The following CATSPER3 variants were observed in gnomAD, a reference collection of about 807,000 sequenced individuals.
The protein encoded by CATSPER3 is cation channel sperm associated 3, also known as cation channel sperm-associated protein 3.
CATSPER3 carries 23 observed loss-of-function variants against 36.6 expected under a neutral mutation model. The observed-to-expected ratio is 0.63, with a 90% confidence interval of 0.45 to 0.89. CATSPER3 has a LOEUF of 0.89. Among genes scored for constraint, CATSPER3 ranks in the 40% least tolerant of loss-of-function variants. The pLI is 0.00. For missense variants in CATSPER3, 474 were observed against 503.9 expected, an observed-to-expected ratio of 0.94 and a Z score of 0.57; for synonymous variants, 172 against 184.1, an observed-to-expected ratio of 0.93 and a Z score of 0.53.
chr5:134,993,221 G>T (rs1159180056), intron 2 of CATSPER3, among the ~76,000 whole-genome samples: 1 of 152,150 alleles, frequency 6.6e-6, no homozygotes, highest in Admixed American at 6.5e-5. Flanking sequence ...GACAAATATT[G>T]TATGGTTTCA....
chr5:134,971,877 T>A (rs995610708), intron 2 of CATSPER3, among the ~76,000 whole-genome samples: 1 of 152,220 alleles, frequency 6.6e-6, no homozygotes, highest in Non-Finnish European at 1.5e-5. Flanking sequence ...ATCAAGCTAC[T>A]GCGTTTTTAA....
chr5:134,996,474 C>T lies in CATSPER3; in HGVS notation c.454C>T (p.Arg152Cys), dbSNP rs775604213. 4.6e-5 allele frequency: 74 copies of T among 1,613,992 alleles called. No individual in the cohort carries two copies. The highest frequency in any genetic ancestry group is 5.8e-5 in the Non-Finnish European group (69 of 1,179,952). ...TATCGCTGATGGCATGCAGTCCCTG[C>T]GCATCCTCAAGCTTATCGGCTATAG... Reference protein sequence around the residue: ...LYIADGMQSLRILKLIGYSQG... With the variant: ...LYIADGMQSLCILKLIGYSQG... Residue 152 changes from arginine to cysteine, a missense_variant, in exon 3 of 8, where the codon CGC becomes TGC. Arg to Cys is a radical substitution (Grantham distance 180). Coordinates refer to ENST00000282611, the MANE Select transcript of CATSPER3 (RefSeq NM_178019.3).
At position 134,970,006 on chromosome 5, in the gene CATSPER3, A is replaced by G. The variant is rs374256296; in HGVS notation, c.166A>G (p.Met56Val). Residue 56 changes from methionine to valine, a missense_variant, in exon 2 of 8, where the codon ATG becomes GTG. Physicochemically the swap from Met to Val is conservative, Grantham distance 21. Coordinates refer to ENST00000282611, the MANE Select transcript of CATSPER3 (RefSeq NM_178019.3). ...AATGAGCCGTTTCTTTAAGATAATT[A>G]TGATTAGCACTGTCACATCGAATGC... Reference protein sequence around the residue: ...VIMSRFFKIIMISTVTSNAFF... With the variant: ...VIMSRFFKIIVISTVTSNAFF... 1.9e-5 allele frequency: 31 copies of G among 1,614,040 alleles called. No individual in the cohort carries two copies. In the African/African-American group the frequency reaches 2.5e-4, roughly 13 times the overall value.
chr5:134,996,779 T>G (rs299365), intron 3 of CATSPER3, among the ~76,000 whole-genome samples: 44,967 of 152,152 alleles, frequency 0.3, 7,313 homozygotes, highest in East Asian at 0.54. Context: ...AAGGCGTGCC[T>G]GACTCCAGAG....
At chr5:134,978,238 G>C (rs1751702196) in intron 2 of CATSPER3, among the ~76,000 whole-genome samples, 1 of 152,150 alleles carries the variant, frequency 6.6e-6, no homozygotes, top group African/African-American at 2.4e-5. Flanking sequence ...TTGGTGTTCT[G>C]TGCAATAGGG....
intron 2 of CATSPER3, among the ~76,000 whole-genome samples, chr5:134,991,980 G>GGT (rs1751884304): frequency 6.6e-6 from 1 of 152,018 alleles, no homozygotes; most frequent in African/African-American, 2.4e-5. Context: ...AAATTAGCCA[G>GGT]GTGTGGTGGC....
intron 2 of CATSPER3, among the ~76,000 whole-genome samples, chr5:134,978,263 A>C (rs1249347312): frequency 2.0e-5 from 3 of 152,164 alleles, no homozygotes; most frequent in Admixed American, 6.5e-5. Context: ...GATATTTAGC[A>C]ATATGCGTTG....
At chr5:134,994,755 C>A (rs1751923125) in intron 2 of CATSPER3, among the ~76,000 whole-genome samples, 1 of 151,900 alleles carries the variant, frequency 6.6e-6, no homozygotes, top group South Asian at 2.1e-4. Context: ...CTCTCTCTCT[C>A]TCTGTTCTAG....
chr5:135,005,469 G>A (rs1469084443), intron 3 of CATSPER3, among the ~76,000 whole-genome samples: 2 of 152,180 alleles, frequency 1.3e-5, no homozygotes, highest in Non-Finnish European at 2.9e-5. Context: ...TGGGACCCTA[G>A]ATCCCCAGAG....
intron 3 of CATSPER3, among the ~76,000 whole-genome samples, chr5:135,006,227 G>C (rs1561464562): frequency 6.6e-6 from 1 of 152,190 alleles, no homozygotes; most frequent in Admixed American, 6.5e-5. Context: ...GCCAACTCTA[G>C]CTGTCATGGG....
intron 6 of CATSPER3, among the ~76,000 whole-genome samples, 190 bp from the exon 7 acceptor site, chr5:135,010,183 A>G (rs1228893805): frequency 2.6e-5 from 4 of 152,054 alleles, no homozygotes; most frequent in African/African-American, 9.7e-5. Context: ...GCCTGTCCTC[A>G]ATGGTGGCCG....
intron 2 of CATSPER3, among the ~76,000 whole-genome samples, chr5:134,973,651 G>A (rs1751633908): frequency 6.6e-6 from 1 of 152,212 alleles, no homozygotes; most frequent in Middle Eastern, 3.2e-3. Context: ...ACTATGTGAA[G>A]AGTCCTACTG....
intron 3 of CATSPER3, among the ~76,000 whole-genome samples, chr5:135,000,118 AG>A (rs1752002292): frequency 6.6e-6 from 1 of 152,198 alleles, no homozygotes; most frequent in Non-Finnish European, 1.5e-5. Context: ...TTTAGCATGA[AG>A]GGCTGTTGAA....
chr5:135,010,592 G>A (rs2149554427), intron 7 of CATSPER3, 62 bp downstream of exon 7: 2 of 1,484,846 alleles, frequency 1.3e-6, no homozygotes, highest in Non-Finnish European at 1.9e-6. Flanking sequence ...GCTGTGTCAG[G>A]TGCCCTGGGA....
chr5:135,003,817 G>A (rs1752050845), intron 3 of CATSPER3, among the ~76,000 whole-genome samples: 1 of 152,232 alleles, frequency 6.6e-6, no homozygotes. Context: ...GCAGTATTAG[G>A]TGGGAGTGAC....
In CATSPER3 at chr5:134,969,998, AG is replaced by A; in HGVS notation, c.159del (p.Ile54Ter). ...VKRVIMSRFF[K>X]IIMISTVTSN... ...AGAGTCATAATGAGCCGTTTCTTTA[AG>A]ATAATTATGATTAGCACTGTCACAT... On this transcript the variant is annotated frameshift_variant, in exon 2 of 8. Transcript: ENST00000282611. LOFTEE classifies it high-confidence loss of function. 1.2e-6 allele frequency: 2 copies of A among 1,614,090 alleles called. No individual in the cohort carries two copies. The highest frequency in any genetic ancestry group is 1.7e-6 in the Non-Finnish European group (2 of 1,179,994).
intron 3 of CATSPER3, among the ~76,000 whole-genome samples, chr5:135,005,573 T>G (rs1192914230): frequency 1.3e-5 from 2 of 152,198 alleles, no homozygotes; most frequent in Non-Finnish European, 2.9e-5. Flanking sequence ...GACTTGTACC[T>G]CTGGGCTAAT....
intron 3 of CATSPER3, among the ~76,000 whole-genome samples, chr5:135,006,706 C>T (rs370412480): frequency 6.6e-5 from 10 of 151,666 alleles, no homozygotes; most frequent in East Asian, 3.9e-4. Context: ...GGCGCAGTGG[C>T]GGGCACCTGT....
chr5:134,996,749 A>G (rs905174664), intron 3 of CATSPER3, among the ~76,000 whole-genome samples: 2 of 152,236 alleles, frequency 1.3e-5, no homozygotes, highest in Non-Finnish European at 2.9e-5. Context: ...CAGCGGTGCA[A>G]TGTCAGAGCT....
Sources: allele counts gnomAD v4.1 joint callset (sites outside exome capture counted in the v4.1 genomes callset), GRCh38; gene constraint gnomAD v4.1.1; transcripts MANE v1.5; gene names NCBI Gene and HGNC (gene_info 2026-07-23, HGNC 2026-07-21).